TRIM29: variants seen among roughly 807,000 people sequenced by gnomAD.
The protein encoded by TRIM29 is tripartite motif containing 29.
A neutral mutation model predicts 57.3 loss-of-function variants in TRIM29; 52 were observed. The ratio of observed to expected loss-of-function variants is 0.91; its 90% CI spans 0.73 to 1.14. The LOEUF is 1.14. Ranked by LOEUF, TRIM29 falls within the 50% of genes most tolerant of loss-of-function variation. The pLI is 0.00. For missense variants in TRIM29, 753 were observed against 774.6 expected, an observed-to-expected ratio of 0.97 and a Z score of 0.33; for synonymous variants, 319 against 316.9, an observed-to-expected ratio of 1.01 and a Z score of -0.07.
At chr11:120,131,770 A>C (rs533417600) in intron 1 of TRIM29, among the ~76,000 whole-genome samples, 252 of 151,440 alleles carry the variant, frequency 1.7e-3, no homozygotes, top group South Asian at 4.0e-3. Flanking sequence ...AGCTCTTGGC[A>C]ATTTTTCCTG....
chr11:120,132,583 C>T (rs1052210251), intron 1 of TRIM29, among the ~76,000 whole-genome samples: 15 of 152,182 alleles, frequency 9.9e-5, no homozygotes, highest in Non-Finnish European at 1.6e-4. Flanking sequence ...GTGCCTCAAC[C>T]TGGACGTGGT....
chr11:120,128,784 C>T, intron 1 of TRIM29: 1 of 1,533,310 alleles, frequency 6.5e-7, no homozygotes, highest in Non-Finnish European at 8.7e-7. Context: ...CCTATCTCCT[C>T]CACCCAGCAA....
At chr11:120,128,951 G>A (rs569922685) in intron 1 of TRIM29, 76 of 1,332,772 alleles carry the variant, frequency 5.7e-5, no homozygotes, top group South Asian at 4.3e-4. Context: ...ATGGCATGAC[G>A]TAGGGCTGTG....
chr11:120,120,983 C>T (rs1403370954), intron 5 of TRIM29: 2 of 419,732 alleles, frequency 4.8e-6, no homozygotes, highest in Non-Finnish European at 9.1e-6. Context: ...GAGCCAGAAA[C>T]ACCTCCCAGG....
intron 1 of TRIM29, among the ~76,000 whole-genome samples, chr11:120,130,761 G>A (rs2135024215): frequency 6.6e-6 from 1 of 152,336 alleles, no homozygotes; most frequent in Middle Eastern, 3.4e-3. Flanking sequence ...GCCAGGCTGG[G>A]TGCTTTCACT....
At chr11:120,114,009 A>T (rs1427093925) in intron 8 of TRIM29, among the ~76,000 whole-genome samples, 1 of 152,070 alleles carries the variant, frequency 6.6e-6, no homozygotes, top group Non-Finnish European at 1.5e-5. Context: ...GGATGGGAAA[A>T]CTGAGGCACA....
intron 1 of TRIM29, among the ~76,000 whole-genome samples, chr11:120,131,909 G>A (rs1420573412): frequency 6.7e-6 from 1 of 149,406 alleles, no homozygotes; most frequent in Admixed American, 6.7e-5. Flanking sequence ...CCTTTAACCA[G>A]CAAAAGCCTC....
chr11:120,120,331 T>C (rs1863402406), intron 6 of TRIM29, among the ~76,000 whole-genome samples: 1 of 142,592 alleles, frequency 7.0e-6, no homozygotes, highest in African/African-American at 2.6e-5. Context: ...ACTAATGGTG[T>C]CCCCCACACA....
At position 120,137,854 on chromosome 11, in the gene TRIM29, G is replaced by A. The variant is rs1489805079; in HGVS notation, c.178C>T (p.Leu60=). 2 of 1,611,894 alleles carry A rather than the reference G, an allele frequency of 1.2e-6. No homozygotes were observed. Among genetic ancestry groups the A allele is most frequent in the Admixed American group, 1.7e-5 (1 of 60,006 alleles). ...GCGCTCCTACCTTCCCCTGGCTTCA[G>A]GGCGCTGCCCAGGCTCTTGCCCTCA... ...AAEGKSLGSA[L]KPGEGRSALF... Residue 60 remains leucine, a synonymous_variant, in exon 1 of 9, where the codon CTG becomes TTG. Transcript: ENST00000341846. The surrounding 1 kb of genome is among the most constrained non-coding windows in gnomAD (Gnocchi z 6.2).
intron 4 of TRIM29, 30 bp downstream of exon 4, chr11:120,125,661 C>T (rs1415442156): frequency 1.2e-6 from 2 of 1,613,164 alleles, no homozygotes; most frequent in Non-Finnish European, 1.7e-6. Flanking sequence ...GGTCTATGGC[C>T]TTGGGGCCCA....
At chr11:120,123,959 G>T (rs1449453705) in intron 4 of TRIM29, 1 of 163,322 alleles carries the variant, frequency 6.1e-6, no homozygotes, top group Non-Finnish European at 1.3e-5. Context: ...TCCCTGGTCT[G>T]GTGGGCAGGC....
rs763072810 is a variant in TRIM29 at position 120,137,891 on chromosome 11, G to C, written c.141C>G (p.Gly47=). The C allele has an allele frequency of 6.2e-7, 1 of 1,610,954 alleles. No homozygotes were observed. Among genetic ancestry groups the C allele is most frequent in the Non-Finnish European group, 8.5e-7 (1 of 1,180,000 alleles). Residue 47 remains glycine (G), a synonymous_variant, in exon 1 of 9, where the codon GGC becomes GGG. Coordinates refer to ENST00000341846, the MANE Select transcript of TRIM29 (RefSeq NM_012101.4). The surrounding 1 kb of genome is among the most constrained non-coding windows in gnomAD (Gnocchi z 6.2). The part of the protein sequence containing the change: ...GKDAKTTNGH[G]GEAAEGKSLG... ...GGCTCTTGCCCTCAGCTGCCTCCCC[G>C]CCGTGCCCGTTGGTGGTCTTGGCAT...
At chr11:120,116,367 A>T (rs956006120) in intron 7 of TRIM29, 2 of 152,288 alleles carry the variant, frequency 1.3e-5, no homozygotes, top group African/African-American at 4.8e-5. Context: ...CATGACCTGG[A>T]TGCTGAGGCC....
chr11:120,137,307 C>CA lies in TRIM29; in HGVS notation c.724dup (p.Cys242LeufsTer15). On this transcript the variant is annotated frameshift_variant, in exon 1 of 9. Coordinates refer to ENST00000341846, the MANE Select transcript of TRIM29 (RefSeq NM_012101.4). LOFTEE classifies it high-confidence loss of function. The surrounding 1 kb of genome is among the most constrained non-coding windows in gnomAD (Gnocchi z 6.2). ...CTGGAACATGCAAAGGTAGCAGATG[C>CA]AGGTCTGGTCGGTCTGGCAGAAGAG... 1 of 1,614,146 alleles carries CA rather than the reference C, an allele frequency of 6.2e-7. No homozygotes were observed. The highest frequency in any genetic ancestry group is 1.7e-5 in the Admixed American group (1 of 60,028).
In TRIM29 at chr11:120,137,227, C is replaced by A. The variant is rs759181869; in HGVS notation, c.804+1G>T. 6.2e-7 allele frequency: 1 copy of A among 1,613,846 alleles called. No individual in the cohort carries two copies. Among genetic ancestry groups the A allele is most frequent in the Non-Finnish European group, 8.5e-7 (1 of 1,179,860 alleles). On this transcript the variant is annotated splice_donor_variant, in intron 1 of 8. Transcript: ENST00000341846. LOFTEE classifies it high-confidence loss of function. The surrounding 1 kb of genome is among the most constrained non-coding windows in gnomAD (Gnocchi z 6.2). ...GGGGCAGGAGGGGCCCCAGCACTTA[C>A]CTCCTTCTCGGCCTTGGCCTCCTCC...
chr11:120,134,657 G>A (rs1166260342), intron 1 of TRIM29, among the ~76,000 whole-genome samples: 1 of 152,168 alleles, frequency 6.6e-6, no homozygotes, highest in Non-Finnish European at 1.5e-5. Context: ...CACACACGGA[G>A]GCTACCTGAA....
chr11:120,135,993 A>G (rs1353900312), intron 1 of TRIM29, among the ~76,000 whole-genome samples: 1 of 152,144 alleles, frequency 6.6e-6, no homozygotes, highest in Non-Finnish European at 1.5e-5. Flanking sequence ...CCTTTGCCCA[A>G]ATCACCTTCC....
At chr11:120,127,628 C>A in intron 2 of TRIM29, 59 bp from the exon 3 acceptor site, 1 of 1,497,532 alleles carries the variant, frequency 6.7e-7, no homozygotes, top group Non-Finnish European at 9.1e-7. Flanking sequence ...AAAGAAATCA[C>A]CCTAGTCGGG....
intron 4 of TRIM29, chr11:120,124,936 A>C (rs1156928914): frequency 6.6e-6 from 1 of 152,244 alleles, no homozygotes; most frequent in Non-Finnish European, 1.5e-5. Context: ...AGCAGTCATT[A>C]ACAAGGCTGT....
Sources: gnomAD v4.1 joint callset for allele counts (sites outside exome capture counted in the v4.1 genomes callset) on GRCh38, gnomAD v4.1.1 for gene constraint, Gnocchi (gnomAD v3.1) non-coding constraint, MANE v1.5 for transcripts, NCBI Gene and HGNC (gene_info 2026-07-23, HGNC 2026-07-21) for gene names.